Variants in CTNND2 observed in about 807,000 individuals in gnomAD.
The protein encoded by CTNND2 is catenin delta-2.
Under a neutral mutation model 144.4 loss-of-function variants are expected in CTNND2, and 22 were observed. The observed-to-expected ratio is 0.15, with a 90% CI of 0.11 to 0.22. The LOEUF is 0.22. Among genes scored for constraint, CTNND2 ranks in the 10% least tolerant of loss-of-function variants. CTNND2 has a pLI of 1.00. For missense variants in CTNND2, 1,353 were observed against 1,618.8 expected (o/e 0.84, Z 2.82); for synonymous variants, 751 against 695.6 (o/e 1.08, Z -1.25).
At chr5:11,094,456 T>C (rs1252609338) in intron 15 of CTNND2, among the ~76,000 whole-genome samples, 2 of 151,904 alleles carry the variant, frequency 1.3e-5, no homozygotes, top group African/African-American at 2.4e-5. Context: ...TGATGGTCTA[T>C]GTGTCTGCTT....
intron 3 of CTNND2, among the ~76,000 whole-genome samples, chr5:11,424,770 T>C (rs1437822347): frequency 6.6e-6 from 1 of 152,090 alleles, no homozygotes; most frequent in Non-Finnish European, 1.5e-5. Context: ...CATGTAATAA[T>C]TAAACTAGAA....
intron 1 of CTNND2, among the ~76,000 whole-genome samples, chr5:11,854,137 G>A (rs1189437813): frequency 6.6e-6 from 1 of 152,162 alleles, no homozygotes; most frequent in Non-Finnish European, 1.5e-5. Flanking sequence ...TCAGCACACT[G>A]CCACGGGTGG....
At chr5:10,984,998 C>T (rs765547539) in intron 20 of CTNND2, among the ~76,000 whole-genome samples, 1 of 152,016 alleles carries the variant, frequency 6.6e-6, no homozygotes, top group Non-Finnish European at 1.5e-5. Flanking sequence ...TGCTTGAACC[C>T]GGGAGGTGGA....
chr5:11,519,363 T>A (rs1772506281), intron 3 of CTNND2, among the ~76,000 whole-genome samples: 1 of 152,186 alleles, frequency 6.6e-6, no homozygotes, highest in Non-Finnish European at 1.5e-5. Context: ...GGCTTCCATG[T>A]TAGCACTTCC....
At chr5:11,247,602 A>G (rs1197643421) in intron 9 of CTNND2, among the ~76,000 whole-genome samples, 2 of 152,246 alleles carry the variant, frequency 1.3e-5, no homozygotes, top group Non-Finnish European at 2.9e-5. Context: ...AGTGCCTTAC[A>G]TTAATCTTAG....
At chr5:11,863,697 C>T (rs1795607328) in intron 1 of CTNND2, among the ~76,000 whole-genome samples, 1 of 152,130 alleles carries the variant, frequency 6.6e-6, no homozygotes, top group African/African-American at 2.4e-5. Flanking sequence ...CCACACTTTG[C>T]CTCTTCTATC....
At chr5:11,889,998 A>G (rs1736836303) in intron 1 of CTNND2, among the ~76,000 whole-genome samples, 1 of 152,236 alleles carries the variant, frequency 6.6e-6, no homozygotes, top group African/African-American at 2.4e-5. Context: ...AATGAAAAAT[A>G]TAAATTCACT....
chr5:10,992,145 C>T (rs956289907), intron 19 of CTNND2, among the ~76,000 whole-genome samples: 22 of 152,128 alleles, frequency 1.4e-4, no homozygotes, highest in Admixed American at 6.5e-5. Context: ...TTCGAACTCC[C>T]GAGCTCAGGC....
intron 3 of CTNND2, among the ~76,000 whole-genome samples, chr5:11,472,725 GAT>G (rs1561444641): frequency 6.6e-6 from 1 of 152,128 alleles, no homozygotes; most frequent in Non-Finnish European, 1.5e-5. Context: ...TGTTAGAACT[GAT>G]ATTGATTTTT....
chr5:11,394,131 A>G (rs1349330404), intron 6 of CTNND2, among the ~76,000 whole-genome samples: 1 of 152,072 alleles, frequency 6.6e-6, no homozygotes, highest in Non-Finnish European at 1.5e-5. Flanking sequence ...TGCACTTTGG[A>G]TCTTGCTTAC....
At chr5:11,116,716 G>A (rs968953734) in intron 13 of CTNND2, among the ~76,000 whole-genome samples, 4 of 152,300 alleles carry the variant, frequency 2.6e-5, no homozygotes, top group Admixed American at 2.0e-4. Context: ...ATGGCACTTA[G>A]TGTAATCAAC....
intron 5 of CTNND2, among the ~76,000 whole-genome samples, chr5:11,407,851 GA>G (rs1761214850): frequency 6.6e-6 from 1 of 150,820 alleles, no homozygotes; most frequent in African/African-American, 2.4e-5. Context: ...TTCTATACGG[GA>G]GAGGTAAATA....
chr5:11,020,614 C>T (rs1226226790), intron 17 of CTNND2, among the ~76,000 whole-genome samples: 1 of 152,134 alleles, frequency 6.6e-6, no homozygotes, highest in Admixed American at 6.5e-5. Flanking sequence ...TGGAGCAATT[C>T]TCCTGAATTC....
intron 3 of CTNND2, among the ~76,000 whole-genome samples, chr5:11,502,027 C>CACA (rs1217515554): frequency 3.5e-5 from 2 of 57,240 alleles, no homozygotes; most frequent in Admixed American, 4.7e-4. Flanking sequence ...GACTCCATCT[C>CACA]AAAAAAAAAA....
At chr5:11,695,245 A>C (rs1401423839) in intron 2 of CTNND2, among the ~76,000 whole-genome samples, 1 of 152,202 alleles carries the variant, frequency 6.6e-6, no homozygotes, top group Non-Finnish European at 1.5e-5. Context: ...TTTTTGTCAT[A>C]TCTTGTCACA....
At chr5:11,197,423 C>T (rs1240392077) in intron 11 of CTNND2, among the ~76,000 whole-genome samples, 1 of 152,236 alleles carries the variant, frequency 6.6e-6, no homozygotes, top group Non-Finnish European at 1.5e-5. Context: ...ACCCCCAGCA[C>T]ATGCTGATGA....
intron 3 of CTNND2, among the ~76,000 whole-genome samples, chr5:11,425,498 A>G (rs374525282): frequency 2.0e-5 from 3 of 152,228 alleles, no homozygotes; most frequent in African/African-American, 7.2e-5. Flanking sequence ...CAGCAGCTGT[A>G]TGTGTCCTGA....
intron 11 of CTNND2, among the ~76,000 whole-genome samples, chr5:11,186,089 T>C (rs1452123493): frequency 2.6e-5 from 4 of 152,208 alleles, no homozygotes; most frequent in Non-Finnish European, 5.9e-5. Flanking sequence ...CTTTATACAA[T>C]TTTGGCATGC....
In CTNND2 at chr5:11,807,107, A is replaced by G. The variant is rs149530734; in HGVS notation, c.38-74835T>C. On this transcript the variant is annotated intron_variant, in intron 1 of 21. Coordinates refer to ENST00000304623, the MANE Select transcript of CTNND2 (RefSeq NM_001332.4). ...TTAAACTCTGTATTATTAAAATAAT[A>G]CATGCACATAGTCAACTGCTAAATA... Among the ~76,000 whole-genome samples the G allele has an allele frequency of 4.5e-3, 680 of 152,314 alleles. 2 individuals carry two copies. The highest frequency in any genetic ancestry group is 7.2e-3 in the Non-Finnish European group (493 of 68,022).
Sources: allele counts gnomAD v4.1 joint callset (sites outside exome capture counted in the v4.1 genomes callset), GRCh38; gene constraint gnomAD v4.1.1; transcripts MANE v1.5; gene names NCBI Gene and HGNC (gene_info 2026-07-23, HGNC 2026-07-21).